Variants in PGBD5 observed in about 807,000 individuals in gnomAD.
The protein encoded by PGBD5 is piggyBac transposable element derived 5, also known as piggyBac transposable element-derived protein 5.
PGBD5 carries 14 observed loss-of-function variants against 47.9 expected under a neutral mutation model. The observed-to-expected ratio is 0.29, with a 90% CI of 0.19 to 0.46. The LOEUF is 0.46. Among genes scored for constraint, PGBD5 ranks in the 20% least tolerant of loss-of-function variants. The pLI, the probability that PGBD5 is intolerant of heterozygous loss-of-function variation, is 1.00. For synonymous variants in PGBD5, 316 were observed against 306.3 expected (o/e 1.03, Z -0.33); for missense variants, 635 against 716.0 (o/e 0.89, Z 1.29).
chr1:230,366,505 G>A (rs2102713656), intron 1 of PGBD5, among the ~76,000 whole-genome samples: 1 of 152,268 alleles, frequency 6.6e-6, no homozygotes, highest in Middle Eastern at 3.4e-3. Flanking sequence ...TAAGTACCTT[G>A]AGGAATGCAA....
At chr1:230,359,339 C>G (rs1427258781) in intron 1 of PGBD5, among the ~76,000 whole-genome samples, 1 of 152,218 alleles carries the variant, frequency 6.6e-6, no homozygotes, top group East Asian at 1.9e-4. Flanking sequence ...GCTGGGATTA[C>G]AGGTGTGAGC....
At chr1:230,384,140 G>C (rs539298262) in intron 1 of PGBD5, among the ~76,000 whole-genome samples, 1 of 152,306 alleles carries the variant, frequency 6.6e-6, no homozygotes, top group East Asian at 1.9e-4. Context: ...GGAGCAACCG[G>C]GGAAGTATTG....
At chr1:230,351,821 T>C (rs1201590347) in intron 2 of PGBD5, among the ~76,000 whole-genome samples, 1 of 152,216 alleles carries the variant, frequency 6.6e-6, no homozygotes, top group Non-Finnish European at 1.5e-5. Flanking sequence ...ATTTCATCTA[T>C]TTCAACTTTT....
intron 1 of PGBD5, among the ~76,000 whole-genome samples, chr1:230,403,767 C>CA (rs1048941626): frequency 2.0e-5 from 3 of 152,218 alleles, no homozygotes; most frequent in Non-Finnish European, 4.4e-5. Context: ...ATCAGTGCTC[C>CA]ACCAGACCCA....
intron 1 of PGBD5, among the ~76,000 whole-genome samples, chr1:230,369,867 C>G (rs141478530): frequency 6.6e-6 from 1 of 151,786 alleles, no homozygotes; most frequent in African/African-American, 2.4e-5. Context: ...TACCCACCCA[C>G]GCCAGGATGA....
Position 230,425,665 on chromosome 1 carries a change from G to A in PGBD5, c.264C>T (p.Asp88=), listed in dbSNP as rs1657758579. ...RAPDAQEPEE[D]EAGAGWSAAL... The stretch of plus-strand genomic sequence containing the variant: ...CTGCGCTCCAGCCCGCGCCGGCCTC[G>A]TCCTCCTCCGGCTCCTGTGCGTCCG... The change falls in exon 1 of 7, where the codon GAC becomes GAT. Residue 88 remains aspartate (D), a synonymous_variant. Coordinates refer to ENST00000391860, the MANE Select transcript of PGBD5 (RefSeq NM_001258311.2). The surrounding 1 kb of genome is among the most constrained non-coding windows in gnomAD (Gnocchi z 4.7). 5 of 1,219,058 alleles carry A rather than the reference G, an allele frequency of 4.1e-6. No individual in the cohort carries two copies. The highest frequency in any genetic ancestry group is 4.1e-5 in the South Asian group (1 of 24,198). The allele number at this position is 1,219,058 out of a possible 1,614,324, so 75.5% of individuals were successfully genotyped here.
chr1:230,347,355 C>T (rs1463832000), intron 3 of PGBD5, among the ~76,000 whole-genome samples: 1 of 151,990 alleles, frequency 6.6e-6, no homozygotes, highest in East Asian at 1.9e-4. Flanking sequence ...CTGGCAAGTC[C>T]AACATCAGAG....
intron 3 of PGBD5, among the ~76,000 whole-genome samples, chr1:230,344,743 G>C (rs1442459032): frequency 1.3e-5 from 2 of 152,182 alleles, no homozygotes; most frequent in African/African-American, 4.8e-5. Flanking sequence ...TTACCATCTT[G>C]AATTCTGGCT....
At chr1:230,407,023 C>T (rs1047956819) in intron 1 of PGBD5, among the ~76,000 whole-genome samples, 3 of 152,056 alleles carry the variant, frequency 2.0e-5, no homozygotes, top group African/African-American at 4.8e-5. Context: ...TTAGTAGAGA[C>T]GGGGTTTCGC....
intron 1 of PGBD5, among the ~76,000 whole-genome samples, chr1:230,389,236 C>A (rs111668548): frequency 2.6e-5 from 4 of 151,094 alleles, no homozygotes; most frequent in Admixed American, 1.3e-4. Context: ...TGCAGTGGCG[C>A]GACCTTGGCT....
At chr1:230,326,691 G>C (rs1337489460) in intron 5 of PGBD5, among the ~76,000 whole-genome samples, 2 of 152,046 alleles carry the variant, frequency 1.3e-5, no homozygotes, top group Non-Finnish European at 2.9e-5. Context: ...GCCTAGGCTG[G>C]TCTCAAACTC....
intron 4 of PGBD5, among the ~76,000 whole-genome samples, chr1:230,334,578 C>A (rs902434845): frequency 6.7e-6 from 1 of 149,458 alleles, no homozygotes; most frequent in African/African-American, 2.4e-5. Flanking sequence ...TTCTCCTCAA[C>A]CTTGGCTGCC....
intron 5 of PGBD5, among the ~76,000 whole-genome samples, chr1:230,330,257 A>G (rs1667192218): frequency 6.6e-6 from 1 of 152,210 alleles, no homozygotes; most frequent in Non-Finnish European, 1.5e-5. Flanking sequence ...GTAAAGCTGG[A>G]GGCATCTGTG....
At chr1:230,324,826 C>A (rs1322110649) in intron 6 of PGBD5, among the ~76,000 whole-genome samples, 1 of 152,150 alleles carries the variant, frequency 6.6e-6, no homozygotes, top group Admixed American at 6.5e-5. Context: ...GAACATGAGA[C>A]CACATCTGGT....
In PGBD5 at chr1:230,318,133, C is replaced by T. The variant is rs1044725198; in HGVS notation, c.*5292G>A. The T allele has an allele frequency of 6.6e-6, 1 of 152,246 alleles. No homozygotes were observed. The allele number at this position is 152,246 out of a possible 1,614,324, so 9.4% of individuals were successfully genotyped here. Reference sequence around the variant, plus strand: ...ACTGGGCACCCCAGGGAGGGAGGGACACAGAGATGGCTAAATGGCAGCGAG... The same window carrying T: ...ACTGGGCACCCCAGGGAGGGAGGGATACAGAGATGGCTAAATGGCAGCGAG... On this transcript the variant is annotated 3_prime_UTR_variant, in exon 7 of 7. Coordinates refer to ENST00000391860, the MANE Select transcript of PGBD5 (RefSeq NM_001258311.2).
chr1:230,326,973 G>A (rs991383038), intron 5 of PGBD5, among the ~76,000 whole-genome samples: 18 of 152,132 alleles, frequency 1.2e-4, no homozygotes, highest in African/African-American at 4.1e-4. Context: ...TACCAGCAGG[G>A]CCTGAGAAGC....
chr1:230,359,129 T>C (rs1397079882), intron 1 of PGBD5, among the ~76,000 whole-genome samples: 1 of 152,074 alleles, frequency 6.6e-6, no homozygotes, highest in African/African-American at 2.4e-5. Context: ...TGGTGCAATC[T>C]CAGCTCACTG....
In PGBD5 at chr1:230,332,293, T is replaced by C. The variant is rs898116181; in HGVS notation, c.1273+551A>G. ...CAAGGGCCCCTTTGTCCTTTCAGTG[T>C]TCTTTTCAGTGGTTTAGTGATGATT... On this transcript the variant is annotated intron_variant, in intron 5 of 6. Transcript: ENST00000391860. 2.6e-5 allele frequency among the ~76,000 whole-genome samples: 4 copies of C among 152,370 alleles called. No homozygotes were observed. In the East Asian group the frequency reaches 7.7e-4, roughly 29 times the overall value.
intron 1 of PGBD5, among the ~76,000 whole-genome samples, chr1:230,416,121 G>C (rs1657507734): frequency 6.6e-6 from 1 of 152,144 alleles, no homozygotes; most frequent in Non-Finnish European, 1.5e-5. Context: ...TGCCTATCTT[G>C]GGTGTCTCTG....
Sources: allele counts gnomAD v4.1 joint callset (sites outside exome capture counted in the v4.1 genomes callset), GRCh38; gene constraint gnomAD v4.1.1; non-coding constraint Gnocchi (gnomAD v3.1); transcripts MANE v1.5; gene names NCBI Gene and HGNC (gene_info 2026-07-23, HGNC 2026-07-21).